Variants in ITGA3 observed in about 807,000 individuals in gnomAD.
ITGA3 encodes the protein integrin alpha-3.
A neutral mutation model predicts 131.1 loss-of-function variants in ITGA3; 70 were observed. That is an observed-to-expected ratio of 0.53 (90% CI 0.44 to 0.65). The LOEUF is 0.65. Ranked by LOEUF, ITGA3 falls within the 30% of genes least tolerant of loss-of-function variation. The pLI is 0.00. For synonymous variants in ITGA3, 537 were observed against 571.6 expected (o/e 0.94, Z 0.86); for missense variants, 1,098 against 1,388.6 (o/e 0.79, Z 3.33).
rs1225874854 is a variant in ITGA3, at chr17:50,071,532, G to T, written c.959+14G>T. ...GAACAATGATGGGTGAGAATCTAGG[G>T]ACATCCTCTGGGGCCAGGGAGAGCG... is the stretch of plus-strand genomic sequence containing the variant. On this transcript the variant is annotated intron_variant, in intron 6 of 25. Transcript: ENST00000320031. 1.8e-5 allele frequency: 29 copies of T among 1,594,226 alleles called. No individual in the cohort carries two copies. The highest frequency in any genetic ancestry group is 2.3e-5 in the Non-Finnish European group (27 of 1,174,032).
In ITGA3 at chr17:50,068,297, A is replaced by G. The variant is rs762718345; in HGVS notation, c.656A>G (p.Asn219Ser). The G allele has an allele frequency of 1.2e-6, 2 of 1,613,168 alleles. No individual in the cohort carries two copies. The highest frequency in any genetic ancestry group is 1.7e-6 in the Non-Finnish European group (2 of 1,179,982). The change falls in exon 4 of 26, where the codon AAC (asparagine) becomes AGC (serine). Residue 219 changes from asparagine (N) to serine (S), a missense_variant. Coordinates refer to ENST00000320031, the MANE Select transcript of ITGA3 (RefSeq NM_002204.4). The part of the protein sequence containing the change: ...TVYFGAPGAY[N>S]WKGNSYMIQR... Reference sequence around the variant, plus strand: ...TACTTCGGCGCCCCCGGTGCCTACAACTGGAAAGGTGGGGACCATGGGGCC... The same window carrying G: ...TACTTCGGCGCCCCCGGTGCCTACAGCTGGAAAGGTGGGGACCATGGGGCC...
In ITGA3 at chr17:50,064,226, G is replaced by A. The variant is rs765870518; in HGVS notation, c.334+22G>A. 2 of 1,595,258 alleles carry A rather than the reference G, an allele frequency of 1.3e-6. No individual in the cohort carries two copies. The highest frequency in any genetic ancestry group is 1.7e-6 in the Non-Finnish European group (2 of 1,172,208). On this transcript the variant is annotated intron_variant, in intron 2 of 25. Transcript: ENST00000320031. The surrounding 1 kb of genome is among the most constrained non-coding windows in gnomAD (Gnocchi z 4.4). ...AAAAGTGAGGGGAAGGGGCTGGGGA[G>A]GGGTGCTGGGTCAGAGGTCTGGCAG...
chr17:50,071,697 C>T, intron 6 of ITGA3, 179 bp downstream of exon 6: 1 of 649,800 alleles, frequency 1.5e-6, no homozygotes, highest in South Asian at 2.0e-5. Context: ...TTTGTGGGAC[C>T]CCTGCGTTTG....
intron 1 of ITGA3, among the ~76,000 whole-genome samples, chr17:50,057,778 G>A (rs1907899175): frequency 6.6e-6 from 1 of 152,142 alleles, no homozygotes; most frequent in Non-Finnish European, 1.5e-5. Flanking sequence ...TCCCTGCTCT[G>A]GCTGGGGCCT....
chr17:50,077,454 AC>A lies in ITGA3; in HGVS notation c.2139+9del. The A allele has an allele frequency of 6.2e-7, 1 of 1,608,612 alleles. No individual in the cohort carries two copies. The stretch of plus-strand genomic sequence containing the variant: ...CTTCAAACGGAACCAGAGGGTGAGC[AC>A]CGGCCACATCCTCCCAGTCCTCCTG... On this transcript the variant is annotated splice_region_variant and intron_variant, in intron 16 of 25. Transcript: ENST00000320031.
At chr17:50,087,680 A>G in intron 23 of ITGA3, 64 bp from the exon 24 acceptor site, 8 of 1,536,808 alleles carry the variant, frequency 5.2e-6, no homozygotes, top group Non-Finnish European at 6.2e-6. Flanking sequence ...CAGCTAGGAT[A>G]GGAAGGGTGA....
chr17:50,074,804 G>A (rs1407461786), intron 10 of ITGA3, among the ~76,000 whole-genome samples: 1 of 152,204 alleles, frequency 6.6e-6, no homozygotes, highest in African/African-American at 2.4e-5. Context: ...GTGCAGGGGT[G>A]GGGATGGGCT....
chr17:50,064,063 G>T lies in ITGA3; in HGVS notation c.207-14G>T. The T allele has an allele frequency of 6.2e-7, 1 of 1,612,062 alleles. No individual in the cohort carries two copies. Reference sequence around the variant, plus strand: ...GGAGTCTGAACCCGGACCCACCTCCGTCCCTATCCCCAGGCTCCTGGCTGG... The same window carrying T: ...GGAGTCTGAACCCGGACCCACCTCCTTCCCTATCCCCAGGCTCCTGGCTGG... On this transcript the variant is annotated splice_polypyrimidine_tract_variant and intron_variant, in intron 1 of 25. Transcript: ENST00000320031. This position sits in a 1 kb window ranked among gnomAD's most constrained non-coding sequence, Gnocchi z 4.4.
intron 23 of ITGA3, among the ~76,000 whole-genome samples, chr17:50,084,097 G>C (rs969578511): frequency 6.6e-6 from 1 of 151,798 alleles, no homozygotes; most frequent in Non-Finnish European, 1.5e-5. Flanking sequence ...AACTGGGCGT[G>C]GTGGTGCATG....
At position 50,079,420 on chromosome 17, in the gene ITGA3, C is replaced by G. The variant is rs776218366; in HGVS notation, c.2584-15C>G. 22 of 1,553,188 alleles carry G rather than the reference C, an allele frequency of 1.4e-5. 1 individual carries two copies. The Middle Eastern group carries it at 1.4e-3, about 98-fold the overall frequency. On this transcript the variant is annotated splice_polypyrimidine_tract_variant and intron_variant, in intron 20 of 25. Transcript: ENST00000320031. ...TTCCTCTGCCCTGCCAGCAAATCTC[C>G]TATTTCCTCTCCAGGACCCTGGGGA...
intron 3 of ITGA3, among the ~76,000 whole-genome samples, chr17:50,067,514 T>C (rs1020974905): frequency 6.6e-6 from 1 of 152,218 alleles, no homozygotes. Flanking sequence ...TGCCTCAGTT[T>C]ATCTAAAATG....
chr17:50,059,838 A>G (rs1907992963), intron 1 of ITGA3, among the ~76,000 whole-genome samples: 1 of 152,246 alleles, frequency 6.6e-6, no homozygotes, highest in South Asian at 2.1e-4. Context: ...GAAAGGGAGC[A>G]GAACTGAGAA....
chr17:50,068,414 A>C, intron 4 of ITGA3, 109 bp downstream of exon 4: 435 of 1,224,016 alleles, frequency 3.6e-4, no homozygotes, highest in Non-Finnish European at 4.5e-4. Flanking sequence ...ACAGGACCTC[A>C]TGCCAGTATC....
intron 23 of ITGA3, chr17:50,086,597 G>T (rs1431899231): frequency 6.8e-6 from 1 of 147,194 alleles, no homozygotes; most frequent in African/African-American, 2.5e-5. Flanking sequence ...GCTGCAGCAG[G>T]AGAATTGCTT....
At chr17:50,084,155 A>C (rs74338073) in intron 23 of ITGA3, among the ~76,000 whole-genome samples, 16,570 of 147,028 alleles carry the variant, frequency 0.11, 1,197 homozygotes, top group East Asian at 0.33. Context: ...AATCGCTTGA[A>C]CCTAAGAGAG....
At chr17:50,086,997 A>G (rs35840765) in intron 23 of ITGA3, 54,354 of 152,050 alleles carry the variant, frequency 0.36, 12,057 homozygotes, top group Middle Eastern at 0.58. Flanking sequence ...GCTGGTGGTG[A>G]GCCAAGATTC....
At chr17:50,071,052 T>G in intron 5 of ITGA3, 122 bp downstream of exon 5, 1 of 767,180 alleles carries the variant, frequency 1.3e-6, no homozygotes. Context: ...CACACACGGA[T>G]TGGCCGGCAC....
At chr17:50,060,248 T>C (rs1480457790) in intron 1 of ITGA3, among the ~76,000 whole-genome samples, 1 of 152,146 alleles carries the variant, frequency 6.6e-6, no homozygotes, top group Non-Finnish European at 1.5e-5. Context: ...GAGTGCTAGA[T>C]CCTTTGGCCC....
At chr17:50,076,216 T>G in intron 12 of ITGA3, 110 bp from the exon 13 acceptor site, 1 of 1,204,692 alleles carries the variant, frequency 8.3e-7, no homozygotes, top group Non-Finnish European at 1.1e-6. Context: ...CTGTCAGGTT[T>G]TCAGGGTGGG....
Sources: gnomAD v4.1 joint callset for allele counts (sites outside exome capture counted in the v4.1 genomes callset) on GRCh38, gnomAD v4.1.1 for gene constraint, Gnocchi (gnomAD v3.1) non-coding constraint, MANE v1.5 for transcripts, NCBI Gene and HGNC (gene_info 2026-07-23, HGNC 2026-07-21) for gene names.